Variants in PTPRD observed in about 807,000 individuals in gnomAD.
PTPRD encodes protein tyrosine phosphatase receptor type D.
PTPRD carries 34 observed loss-of-function variants against 214.5 expected under a neutral mutation model. The ratio of observed to expected loss-of-function variants is 0.16; its 90% confidence interval spans 0.12 to 0.21. PTPRD has a LOEUF of 0.21. Among genes scored for constraint, PTPRD ranks in the 10% least tolerant of loss-of-function variants. The pLI is 1.00. For synonymous variants in PTPRD, 1,128 were observed against 845.7 expected, an observed-to-expected ratio of 1.33 and a Z score of -5.79; for missense variants, 2,545 against 2,398.7, an observed-to-expected ratio of 1.06 and a Z score of -1.27.
chr9:10,157,279 T>C (rs1034434532), intron 3 of PTPRD, among the ~76,000 whole-genome samples: 1 of 152,228 alleles, frequency 6.6e-6, no homozygotes, highest in Non-Finnish European at 1.5e-5. Context: ...AGGTCTTTCC[T>C]TTCCATATTT....
intron 2 of PTPRD, among the ~76,000 whole-genome samples, chr9:10,381,830 C>T (rs1377702306): frequency 4.6e-5 from 7 of 151,842 alleles, no homozygotes. Flanking sequence ...AGGTATTTCA[C>T]CAGTGGCATT....
intron 10 of PTPRD, among the ~76,000 whole-genome samples, chr9:9,044,697 A>G (rs2099666650): frequency 2.0e-5 from 3 of 152,226 alleles, no homozygotes; most frequent in Non-Finnish European, 1.5e-5. Flanking sequence ...TGGGAACTTG[A>G]GTCATTTTCT....
At chr9:9,960,552 C>G (rs1218907252) in intron 4 of PTPRD, among the ~76,000 whole-genome samples, 1 of 152,040 alleles carries the variant, frequency 6.6e-6, no homozygotes, top group African/African-American at 2.4e-5. Flanking sequence ...AATATGATAG[C>G]ATGATAGCAT....
chr9:10,193,098 A>C (rs1349539236), intron 3 of PTPRD, among the ~76,000 whole-genome samples: 1 of 152,134 alleles, frequency 6.6e-6, no homozygotes, highest in Non-Finnish European at 1.5e-5. Context: ...GTCAATTTCC[A>C]GATTTTTCAA....
chr9:9,943,855 G>T (rs1441399839), intron 4 of PTPRD, among the ~76,000 whole-genome samples: 1 of 152,122 alleles, frequency 6.6e-6, no homozygotes. Flanking sequence ...TGGGAGTGCT[G>T]CTGGACTGCT....
At chr9:8,732,869 C>G (rs1263778377) in intron 12 of PTPRD, among the ~76,000 whole-genome samples, 1 of 152,138 alleles carries the variant, frequency 6.6e-6, no homozygotes, top group African/African-American at 2.4e-5. Context: ...TTTAATCTCA[C>G]TGAAATAGTG....
intron 7 of PTPRD, among the ~76,000 whole-genome samples, chr9:9,729,943 T>C (rs2098159638): frequency 6.6e-6 from 1 of 152,142 alleles, no homozygotes; most frequent in African/African-American, 2.4e-5. Flanking sequence ...TCATATACTA[T>C]ATGCTTAAAA....
intron 2 of PTPRD, among the ~76,000 whole-genome samples, chr9:10,414,052 T>C (rs1054206390): frequency 6.6e-6 from 1 of 151,834 alleles, no homozygotes; most frequent in African/African-American, 2.4e-5. Context: ...TGGGCAAAGA[T>C]TTCATGACTA....
At chr9:8,769,543 C>G (rs902142135) in intron 11 of PTPRD, among the ~76,000 whole-genome samples, 3 of 152,100 alleles carry the variant, frequency 2.0e-5, no homozygotes, top group African/African-American at 7.2e-5. Context: ...TAGTGGAAAA[C>G]TGCCAAAAAC....
intron 8 of PTPRD, among the ~76,000 whole-genome samples, chr9:9,427,674 T>A (rs982356087): frequency 1.3e-5 from 2 of 152,166 alleles, no homozygotes; most frequent in African/African-American, 2.4e-5. Flanking sequence ...AAGGTTGGGT[T>A]ACCCACAAAG....
chr9:10,303,203 T>C (rs1171204626), intron 3 of PTPRD, among the ~76,000 whole-genome samples: 1 of 152,134 alleles, frequency 6.6e-6, no homozygotes, highest in East Asian at 1.9e-4. Context: ...AAGATGTTAT[T>C]TGAAACCAAT....
chr9:8,623,142 C>A (rs969855038), intron 14 of PTPRD, among the ~76,000 whole-genome samples: 1 of 151,724 alleles, frequency 6.6e-6, no homozygotes, highest in Non-Finnish European at 1.5e-5. Flanking sequence ...CAAAGTGGTA[C>A]CCTGTCTCTA....
chr9:10,283,520 T>C (rs527488521), intron 3 of PTPRD, among the ~76,000 whole-genome samples: 1 of 152,364 alleles, frequency 6.6e-6, no homozygotes, highest in South Asian at 2.1e-4. Flanking sequence ...TTGGTAAGTC[T>C]GAGCATCTTT....
At chr9:9,005,468 T>C (rs1255003650) in intron 11 of PTPRD, among the ~76,000 whole-genome samples, 3 of 152,040 alleles carry the variant, frequency 2.0e-5, no homozygotes, top group Admixed American at 1.3e-4. Flanking sequence ...CATGAAATAA[T>C]TGATGTGCCA....
At chr9:9,243,289 A>T (rs988668047) in intron 9 of PTPRD, among the ~76,000 whole-genome samples, 2 of 152,168 alleles carry the variant, frequency 1.3e-5, no homozygotes, top group African/African-American at 2.4e-5. Context: ...AACTCATTTT[A>T]TGAGGTCAGC....
chr9:8,466,874 TCTCTA>T (rs2096554506), intron 31 of PTPRD, among the ~76,000 whole-genome samples: 1 of 151,794 alleles, frequency 6.6e-6, no homozygotes, highest in Non-Finnish European at 1.5e-5. Context: ...CAAAGTGTGA[TCTCTA>T]CTTAGTAGAA....
At chr9:9,024,639 T>G (rs2099581312) in intron 10 of PTPRD, among the ~76,000 whole-genome samples, 3 of 151,944 alleles carry the variant, frequency 2.0e-5, no homozygotes, top group Admixed American at 6.6e-5. Context: ...ATTATATCTT[T>G]TATTATTTTA....
chr9:8,582,550 G>C (rs1052387471), intron 14 of PTPRD, among the ~76,000 whole-genome samples: 2 of 151,440 alleles, frequency 1.3e-5, no homozygotes, highest in Non-Finnish European at 2.9e-5. Flanking sequence ...ACCTTATTGA[G>C]AACAATGATA....
intron 14 of PTPRD, among the ~76,000 whole-genome samples, chr9:8,566,161 G>C (rs1426936931): frequency 7.2e-6 from 1 of 138,944 alleles, no homozygotes; most frequent in East Asian, 2.1e-4. Context: ...TTCATTTATA[G>C]ACCAATGCAT....
Sources: gnomAD v4.1 joint callset for allele counts (sites outside exome capture counted in the v4.1 genomes callset) on GRCh38, gnomAD v4.1.1 for gene constraint, MANE v1.5 for transcripts, NCBI Gene and HGNC (gene_info 2026-07-23, HGNC 2026-07-21) for gene names.